CDH13: variants seen among roughly 807,000 people sequenced by gnomAD.
CDH13 encodes cadherin-13.
A neutral mutation model predicts 63.8 loss-of-function variants in CDH13; 24 were observed. That is an observed-to-expected ratio of 0.38 (90% CI 0.27 to 0.53). The LOEUF is 0.53. CDH13 is among the 20% of genes least tolerant of loss of function. The pLI is 0.85. For synonymous variants in CDH13, 503 were observed against 355.3 expected, an observed-to-expected ratio of 1.42 and a Z score of -4.67; for missense variants, 1,049 against 903.1, an observed-to-expected ratio of 1.16 and a Z score of -2.07.
intron 1 of CDH13, among the ~76,000 whole-genome samples, chr16:82,812,135 C>A (rs1019017152): frequency 3.9e-5 from 6 of 152,094 alleles, no homozygotes; most frequent in Admixed American, 6.6e-5. Flanking sequence ...TCTTTATCTC[C>A]TAACAATCAT....
chr16:83,794,256 C>G (rs1916459173), intron 13 of CDH13, among the ~76,000 whole-genome samples: 2 of 152,144 alleles, frequency 1.3e-5, no homozygotes, highest in Admixed American at 1.3e-4. Flanking sequence ...ATTAACATAC[C>G]ATGTTTGGGC....
At chr16:83,502,664 T>TG (rs1457271270) in intron 7 of CDH13, among the ~76,000 whole-genome samples, 2 of 152,214 alleles carry the variant, frequency 1.3e-5, no homozygotes, top group Non-Finnish European at 2.9e-5. Context: ...ACATTAGTTT[T>TG]GGGGGCTTGA....
intron 1 of CDH13, among the ~76,000 whole-genome samples, chr16:82,725,864 A>T (rs2033066705): frequency 6.6e-6 from 1 of 152,160 alleles, no homozygotes; most frequent in Admixed American, 6.5e-5. Flanking sequence ...TAATTATTGC[A>T]GTTCTCCAGT....
At chr16:83,753,031 G>C (rs888446971) in intron 11 of CDH13, among the ~76,000 whole-genome samples, 3 of 152,122 alleles carry the variant, frequency 2.0e-5, no homozygotes, top group Non-Finnish European at 4.4e-5. Flanking sequence ...GTCCCCAAAG[G>C]TGTAATGGTA....
intron 7 of CDH13, among the ~76,000 whole-genome samples, chr16:83,497,820 C>G (rs1019476215): frequency 6.6e-6 from 1 of 152,208 alleles, no homozygotes; most frequent in Non-Finnish European, 1.5e-5. Context: ...TATGTACTGA[C>G]TGCAGCATGT....
chr16:83,184,089 AAC>A (rs10656475), intron 4 of CDH13, among the ~76,000 whole-genome samples: 8,526 of 131,488 alleles, frequency 0.065, 756 homozygotes, highest in African/African-American at 0.2. Context: ...CTAGAGGTTA[AAC>A]ACACACACAC....
intron 3 of CDH13, among the ~76,000 whole-genome samples, chr16:83,050,675 C>T (rs148981392): frequency 1.3e-5 from 2 of 152,224 alleles, no homozygotes; most frequent in Non-Finnish European, 2.9e-5. Flanking sequence ...TCATTTCTGA[C>T]CTCAGGTCCA....
intron 1 of CDH13, among the ~76,000 whole-genome samples, chr16:82,845,838 C>T (rs987107899): frequency 2.6e-5 from 4 of 152,216 alleles, no homozygotes; most frequent in African/African-American, 9.6e-5. Flanking sequence ...TCCTAAGGGC[C>T]AGCCAGCAAG....
intron 1 of CDH13, among the ~76,000 whole-genome samples, chr16:82,760,675 C>T (rs201208116): frequency 5.3e-5 from 8 of 152,022 alleles, no homozygotes; most frequent in African/African-American, 1.2e-4. Context: ...TACCTGAGGC[C>T]GCGTAATATT....
At chr16:82,899,774 T>C (rs2041397434) in intron 2 of CDH13, among the ~76,000 whole-genome samples, 1 of 152,202 alleles carries the variant, frequency 6.6e-6, no homozygotes, top group Admixed American at 6.5e-5. Flanking sequence ...AGCCACAATC[T>C]CCTCCTCCAA....
chr16:82,793,000 G>A (rs549817000), intron 1 of CDH13, among the ~76,000 whole-genome samples: 3 of 152,372 alleles, frequency 2.0e-5, no homozygotes, highest in Admixed American at 6.5e-5. Context: ...TGACGTTCTG[G>A]CCAGGAAGCA....
At chr16:83,270,127 A>T (rs906584672) in intron 5 of CDH13, among the ~76,000 whole-genome samples, 13 of 152,168 alleles carry the variant, frequency 8.5e-5, no homozygotes, top group Admixed American at 8.5e-4. Context: ...CCAGCAAGAG[A>T]TACTGCTGTT....
chr16:82,938,785 G>A (rs1377654516), intron 2 of CDH13, among the ~76,000 whole-genome samples: 1 of 152,202 alleles, frequency 6.6e-6, no homozygotes, highest in Non-Finnish European at 1.5e-5. Context: ...GTTTAATCCT[G>A]TAAGAAAACT....
At chr16:83,501,464 C>A (rs564175779) in intron 7 of CDH13, among the ~76,000 whole-genome samples, 1 of 151,850 alleles carries the variant, frequency 6.6e-6, no homozygotes, top group Admixed American at 6.5e-5. Context: ...AAGAGATTCT[C>A]CATTCTTATT....
chr16:82,972,102 G>T (rs549084459), intron 2 of CDH13, among the ~76,000 whole-genome samples: 7 of 152,206 alleles, frequency 4.6e-5, no homozygotes, highest in Non-Finnish European at 1.0e-4. Context: ...GTGAAGCAGT[G>T]TAGGGTGAGG....
intron 2 of CDH13, among the ~76,000 whole-genome samples, chr16:82,896,131 C>G (rs1018215805): frequency 6.6e-6 from 1 of 152,084 alleles, no homozygotes; most frequent in Non-Finnish European, 1.5e-5. Flanking sequence ...TCGTATCTTA[C>G]CTGTTTCCCT....
intron 1 of CDH13, among the ~76,000 whole-genome samples, chr16:82,704,486 A>G (rs2031317427): frequency 6.6e-6 from 1 of 152,214 alleles, no homozygotes; most frequent in Non-Finnish European, 1.5e-5. Flanking sequence ...TCTGAGGCCC[A>G]TTCTTTACTC....
intron 10 of CDH13, among the ~76,000 whole-genome samples, chr16:83,694,386 G>A (rs1905181132): frequency 6.6e-6 from 1 of 152,130 alleles, no homozygotes; most frequent in African/African-American, 2.4e-5. Context: ...CACAAAACAG[G>A]GTTTTCTCCA....
chr16:82,816,767 G>T (rs775577538), intron 1 of CDH13, among the ~76,000 whole-genome samples: 1 of 134,838 alleles, frequency 7.4e-6, no homozygotes, highest in African/African-American at 2.8e-5. Context: ...TATCATCACC[G>T]TCGTCACCAT....
Sources: allele counts gnomAD v4.1 joint callset (sites outside exome capture counted in the v4.1 genomes callset), GRCh38; gene constraint gnomAD v4.1.1; transcripts MANE v1.5; gene names NCBI Gene and HGNC (gene_info 2026-07-23, HGNC 2026-07-21).